The following LDB2 variants were observed in gnomAD, a reference collection of about 807,000 sequenced individuals.
LDB2 encodes the protein LIM domain binding 2, also known as LIM domain-binding protein 2.
Under a neutral mutation model 44.3 loss-of-function variants are expected in LDB2, and 12 were observed. The ratio of observed to expected loss-of-function variants is 0.27; its 90% CI spans 0.17 to 0.44. The LOEUF (loss-of-function observed/expected upper bound fraction) is 0.44. LDB2 is among the 20% of genes least tolerant of loss of function. The pLI is 1.00. For missense variants in LDB2, 344 were observed against 473.5 expected (o/e 0.73, Z 2.54); for synonymous variants, 164 against 174.8 (o/e 0.94, Z 0.49).
chr4:16,521,957 A>C (rs982664045), intron 5 of LDB2, among the ~76,000 whole-genome samples: 4 of 152,154 alleles, frequency 2.6e-5, no homozygotes, highest in Non-Finnish European at 5.9e-5. Flanking sequence ...CTAGGTATGC[A>C]AATTCAGCTG....
Position 16,847,595 on chromosome 4 carries a change from A to ATGTTTGTTTGTTTGTT in LDB2, c.132+50743_132+50758dup, listed in dbSNP as rs77897455. On this transcript the variant is annotated intron_variant, in intron 1 of 7. Transcript: ENST00000304523. ...ATCATTGGTAAAGGTTCTTTAACACATGTTTGTTTGTTTGTTTGTTTGTTT... is the reference window on the plus strand; with the variant it reads ...ATCATTGGTAAAGGTTCTTTAACACATGTTTGTTTGTTTGTTTGTTTGTTTGTTTGTTTGTTTGTTT... Among the ~76,000 whole-genome samples the ATGTTTGTTTGTTTGTT allele has an allele frequency of 2.0e-4, 29 of 141,802 alleles. 1 individual carries two copies. The highest frequency in any genetic ancestry group is 4.6e-4 in the East Asian group (2 of 4,376). 93.0% of individuals were successfully genotyped at this position (141,802 alleles called of 152,430 possible). A position where few individuals can be genotyped will look rare whatever the true frequency, so the allele number is the denominator to read the frequency against.
intron 5 of LDB2, among the ~76,000 whole-genome samples, chr4:16,561,610 G>C (rs1271675566): frequency 6.6e-6 from 1 of 152,150 alleles, no homozygotes. Flanking sequence ...TCATGGGTAG[G>C]AAGAATCAAT....
In LDB2 at chr4:16,624,522, A is replaced by G. The variant is rs191430390; in HGVS notation, c.236-28647T>C. 3.3e-5 allele frequency among the ~76,000 whole-genome samples: 5 copies of G among 152,342 alleles called. No homozygotes were observed. In the East Asian group the frequency reaches 9.6e-4, roughly 29 times the overall value. Reference sequence around the variant, plus strand: ...TGTTTTGCCTACACTATCTTCAATAATCTCAATGACTTTACACAGAAGATA... The same window carrying G: ...TGTTTTGCCTACACTATCTTCAATAGTCTCAATGACTTTACACAGAAGATA... On this transcript the variant is annotated intron_variant, in intron 2 of 7. Transcript: ENST00000304523.
At chr4:16,519,208 G>A (rs1485796046) in intron 5 of LDB2, among the ~76,000 whole-genome samples, 1 of 152,026 alleles carries the variant, frequency 6.6e-6, no homozygotes. Context: ...AGAATGCCTA[G>A]TCTATGTCTA....
intron 1 of LDB2, among the ~76,000 whole-genome samples, chr4:16,860,043 C>T (rs778970883): frequency 6.6e-6 from 1 of 152,156 alleles, no homozygotes; most frequent in African/African-American, 2.4e-5. Context: ...TACCCAGCAA[C>T]ATGGCCCTGG....
At chr4:16,847,247 T>C (rs764296336) in intron 1 of LDB2, among the ~76,000 whole-genome samples, 5 of 151,756 alleles carry the variant, frequency 3.3e-5, no homozygotes, top group Non-Finnish European at 7.3e-5. Context: ...AATTTTTGAC[T>C]CTCAAATCAG....
At chr4:16,868,762 C>A (rs1715525576) in intron 1 of LDB2, among the ~76,000 whole-genome samples, 1 of 152,162 alleles carries the variant, frequency 6.6e-6, no homozygotes, top group South Asian at 2.1e-4. Flanking sequence ...TTAGCCCAGT[C>A]TTTTAACTGT....
chr4:16,525,877 A>G (rs932393479), intron 5 of LDB2, among the ~76,000 whole-genome samples: 3 of 152,226 alleles, frequency 2.0e-5, no homozygotes, highest in African/African-American at 7.2e-5. Context: ...GTGGCTCTGC[A>G]GAGATATCCA....
At chr4:16,799,161 G>C (rs1381117494) in intron 1 of LDB2, among the ~76,000 whole-genome samples, 2 of 152,114 alleles carry the variant, frequency 1.3e-5, no homozygotes, top group African/African-American at 4.8e-5. Flanking sequence ...CTCGTGACTG[G>C]GGTTTTCATC....
intron 2 of LDB2, among the ~76,000 whole-genome samples, chr4:16,673,739 G>A (rs903449324): frequency 6.6e-6 from 1 of 152,134 alleles, no homozygotes; most frequent in Non-Finnish European, 1.5e-5. Context: ...AGAGGCCAGG[G>A]ATGCTGCCAA....
intron 2 of LDB2, among the ~76,000 whole-genome samples, chr4:16,640,990 A>G (rs934485096): frequency 6.6e-6 from 1 of 152,176 alleles, no homozygotes; most frequent in Non-Finnish European, 1.5e-5. Context: ...ATGATTACCC[A>G]TTTAAGACAA....
At chr4:16,883,275 T>C (rs567936215) in intron 1 of LDB2, among the ~76,000 whole-genome samples, 15 of 152,348 alleles carry the variant, frequency 9.8e-5, no homozygotes, top group Admixed American at 2.6e-4. Context: ...GCAGTCCATC[T>C]AACTGGGATC....
chr4:16,549,803 A>G (rs985787168), intron 5 of LDB2, among the ~76,000 whole-genome samples: 21 of 152,230 alleles, frequency 1.4e-4, no homozygotes, highest in Admixed American at 2.0e-4. Flanking sequence ...TCCCATGAAC[A>G]TACCAGTTCT....
intron 1 of LDB2, among the ~76,000 whole-genome samples, chr4:16,843,860 C>A (rs1316250100): frequency 6.6e-6 from 1 of 152,076 alleles, no homozygotes; most frequent in Non-Finnish European, 1.5e-5. Context: ...TCAGGTAATC[C>A]ACCTGCCTCA....
rs143673849 is a variant in LDB2 at position 16,604,317 on chromosome 4, A to T, written c.236-8442T>A. On this transcript the variant is annotated intron_variant, in intron 2 of 7. Transcript: ENST00000304523. ...TTTAACTGAATATTCATTAATATTA[A>T]TAGCTTTTGGGGAATGTTTTAAAAA... Among the ~76,000 whole-genome samples, 566 of 152,222 alleles carry T rather than the reference A, an allele frequency of 3.7e-3. 4 individuals carry two copies. The highest frequency in any genetic ancestry group is 6.0e-3 in the South Asian group (29 of 4,830).
At chr4:16,527,890 C>A (rs1728778097) in intron 5 of LDB2, among the ~76,000 whole-genome samples, 1 of 151,808 alleles carries the variant, frequency 6.6e-6, no homozygotes, top group Non-Finnish European at 1.5e-5. Context: ...ATAAATATAT[C>A]AAAGCATCAA....
intron 2 of LDB2, among the ~76,000 whole-genome samples, chr4:16,689,638 T>C (rs2152585641): frequency 6.6e-6 from 1 of 152,314 alleles, no homozygotes; most frequent in South Asian, 2.1e-4. Flanking sequence ...TTCAGTTTCC[T>C]CATCTATAAT....
intron 1 of LDB2, among the ~76,000 whole-genome samples, chr4:16,842,133 T>A (rs1438376695): frequency 2.6e-5 from 4 of 152,200 alleles, no homozygotes; most frequent in African/African-American, 9.6e-5. Context: ...CTCCACACAT[T>A]ATTTTTTACT....
At chr4:16,603,611 T>C (rs1368157740) in intron 2 of LDB2, among the ~76,000 whole-genome samples, 1 of 152,224 alleles carries the variant, frequency 6.6e-6, no homozygotes, top group African/African-American at 2.4e-5. Context: ...GTCTGACAGA[T>C]TTATTTTTGC....
Sources: gnomAD v4.1 joint callset for allele counts (sites outside exome capture counted in the v4.1 genomes callset) on GRCh38, gnomAD v4.1.1 for gene constraint, MANE v1.5 for transcripts, NCBI Gene and HGNC (gene_info 2026-07-23, HGNC 2026-07-21) for gene names.